SIDT2: variants seen among roughly 807,000 people sequenced by gnomAD.
SIDT2 encodes the protein SID1 transmembrane family member 2.
In SIDT2, 68 loss-of-function variants were observed where a neutral mutation model predicts 114.4. The observed-to-expected ratio is 0.59, with a 90% CI of 0.49 to 0.73. The LOEUF (loss-of-function observed/expected upper bound fraction) is 0.73. Among genes scored for constraint, SIDT2 ranks in the 30% least tolerant of loss-of-function variants. SIDT2 has a pLI of 0.00. For synonymous variants in SIDT2, 470 were observed against 438.4 expected, an observed-to-expected ratio of 1.07 and a Z score of -0.90; for missense variants, 918 against 1,097.1, an observed-to-expected ratio of 0.84 and a Z score of 2.31.
In SIDT2 at chr11:117,183,788, T is replaced by C; in HGVS notation, c.712T>C (p.Phe238Leu). 1 of 1,613,104 alleles carries C rather than the reference T, an allele frequency of 6.2e-7. No homozygotes were observed. Among genetic ancestry groups the C allele is most frequent in the South Asian group, 1.1e-5 (1 of 91,032 alleles). The change falls in exon 7 of 26, where the codon TTC (phenylalanine) becomes CTC (leucine). Residue 238 changes from phenylalanine to leucine, a missense_variant. Physicochemically the swap from Phe to Leu is conservative, Grantham distance 22. Around this residue, in one of 4 missense-constraint regions of SIDT2, gnomAD observed 553 missense variants for 600.1 expected, o/e 0.92. Coordinates refer to ENST00000324225, the MANE Select transcript of SIDT2 (RefSeq NM_001040455.2). Reference sequence around the variant, plus strand: ...CATCATCATCCTGCAGCGCAAAGACTTCCCCAGCAACAGCTTTTATGTGGT... The same window carrying C: ...CATCATCATCCTGCAGCGCAAAGACCTCCCCAGCAACAGCTTTTATGTGGT... The part of the protein sequence containing the change: ...KAAITVQRKD[F>L]PSNSFYVVVV...
At position 117,188,993 on chromosome 11, in the gene SIDT2, C is replaced by T. The variant is rs967777239; in HGVS notation, c.1278+167C>T. On this transcript the variant is annotated intron_variant, in intron 13 of 25. Coordinates refer to ENST00000324225, the MANE Select transcript of SIDT2 (RefSeq NM_001040455.2). The surrounding 1 kb of genome is among the most constrained non-coding windows in gnomAD (Gnocchi z 4.0). The stretch of plus-strand genomic sequence containing the variant: ...AACTAACCTGACCTCCAACCCCTTC[C>T]GGCCTGATTGGCCAAACCCTCTTGG... The T allele has an allele frequency of 2.0e-5, 19 of 960,794 alleles. No homozygotes were observed. Among genetic ancestry groups the T allele is most frequent in the African/African-American group, 4.8e-5 (3 of 62,536 alleles). The allele number at this position is 960,794 out of a possible 1,614,324, so 59.5% of individuals were successfully genotyped here.
Position 117,192,912 on chromosome 11 carries a change from G to T in SIDT2, c.2105+46G>T. 6.2e-7 allele frequency: 1 copy of T among 1,612,476 alleles called. No homozygotes were observed. The highest frequency in any genetic ancestry group is 1.1e-5 in the South Asian group (1 of 91,044). The stretch of plus-strand genomic sequence containing the variant: ...TGGCCTGGTTGGGTGGACAGCTGGG[G>T]ACTCGGTCAGCCACTGGCTGCCTTG... On this transcript the variant is annotated intron_variant, in intron 22 of 25. Coordinates refer to ENST00000324225, the MANE Select transcript of SIDT2 (RefSeq NM_001040455.2). This position sits in a 1 kb window ranked among gnomAD's most constrained non-coding sequence, Gnocchi z 5.9.
chr11:117,194,024 T>A, intron 24 of SIDT2, 61 bp downstream of exon 24: 1 of 1,347,136 alleles, frequency 7.4e-7, no homozygotes, highest in Non-Finnish European at 1.1e-6. Context: ...TTTTTAAACA[T>A]TGGGGCTGAG....
rs926054937 is a variant in SIDT2, at chr11:117,178,816, A to T, written c.-448A>T. The T allele has an allele frequency of 9.4e-5, 16 of 169,612 alleles. No homozygotes were observed. Among genetic ancestry groups the T allele is most frequent in the Admixed American group, 6.4e-4 (11 of 17,292 alleles). The allele number at this position is 169,612 out of a possible 1,614,324, so 10.5% of individuals were successfully genotyped here. ...CACCTCGGAAAACTCGCAGCCCAGC[A>T]CGGCGTCGGGTAGCTACCACCTATC... On this transcript the variant is annotated 5_prime_UTR_variant, in exon 1 of 26. Transcript: ENST00000324225.
In SIDT2 at chr11:117,196,082, T is replaced by C. The variant is rs1236791625; in HGVS notation, c.*16T>C. 1 of 1,614,144 alleles carries C rather than the reference T, an allele frequency of 6.2e-7. No homozygotes were observed. Among genetic ancestry groups the C allele is most frequent in the South Asian group, 1.1e-5 (1 of 91,084 alleles). ...TGTCTTCTAGCAGGAGCTGGGCCCT[T>C]CGCTTCACCTCAAGGGGCCCTGAGC... On this transcript the variant is annotated 3_prime_UTR_variant, in exon 26 of 26. Transcript: ENST00000324225. This position sits in a 1 kb window ranked among gnomAD's most constrained non-coding sequence, Gnocchi z 4.9.
In SIDT2 at chr11:117,192,843, G is replaced by A; in HGVS notation, c.2082G>A (p.Met694Ile). 6.2e-7 allele frequency: 1 copy of A among 1,614,140 alleles called. No homozygotes were observed. The highest frequency in any genetic ancestry group is 8.5e-7 in the Non-Finnish European group (1 of 1,180,024). ...AGGACCGCATGGTGCTGCTGGTCATGGGCAACGTCATCAACTGGTCGCTGT... is the reference window on the plus strand; with the variant it reads ...AGGACCGCATGGTGCTGCTGGTCATAGGCAACGTCATCAACTGGTCGCTGT... ...LYVDRMVLLV[M>I]GNVINWSLAA... The change falls in exon 22 of 26, where the codon ATG becomes ATA. Residue 694 changes from methionine (M) to isoleucine (I), a missense_variant. By Grantham distance (10) the Met-to-Ile change is conservative (BLOSUM62 1). Transcript: ENST00000324225. The surrounding 1 kb of genome is among the most constrained non-coding windows in gnomAD (Gnocchi z 5.9).
rs764739203 is a variant in SIDT2 at position 117,184,079 on chromosome 11, C to A, written c.808C>A (p.Pro270Thr). The A allele has an allele frequency of 1.9e-6, 3 of 1,614,140 alleles. No individual in the cohort carries two copies. The highest frequency in any genetic ancestry group is 2.5e-6 in the Non-Finnish European group (3 of 1,180,024). The change falls in exon 8 of 26, where the codon CCG becomes ACG. Residue 270 changes from proline to threonine, a missense_variant. Transcript: ENST00000324225. ...CTTTGACATTTTACTTCCAGATGAA[C>A]CGGTCGATCAAGGGCACCGCCAGAA... ...LPFYPFAEDEPVDQGHRQKTL... is the reference protein window; with the variant it reads ...LPFYPFAEDETVDQGHRQKTL...
chr11:117,182,797 C>A lies in SIDT2; in HGVS notation c.693C>A (p.Ile231=), dbSNP rs754191714. ...MYQTMTKKAA[I]TVQRKDFPSN... is the part of the protein sequence containing the mutation. ...AGACGATGACCAAGAAGGCGGCCATCACCGTACAGGTAGGAAATGCATGTG... is the reference window on the plus strand; with the variant it reads ...AGACGATGACCAAGAAGGCGGCCATAACCGTACAGGTAGGAAATGCATGTG... Residue 231 remains isoleucine (I), a synonymous_variant, in exon 6 of 26, where the codon ATC becomes ATA. Transcript: ENST00000324225. 6.2e-7 allele frequency: 1 copy of A among 1,613,812 alleles called. No individual in the cohort carries two copies. The highest frequency in any genetic ancestry group is 1.7e-5 in the Admixed American group (1 of 59,986).
intron 18 of SIDT2, 134 bp from the exon 19 acceptor site, chr11:117,191,744 C>T (rs1276461796): frequency 8.6e-5 from 110 of 1,279,256 alleles, no homozygotes; most frequent in Non-Finnish European, 1.1e-4. Context: ...CAAGTGCCAC[C>T]CTGCCACCAG....
chr11:117,188,631 C>A lies in SIDT2; in HGVS notation c.1160-77C>A. 1 of 1,134,090 alleles carries A rather than the reference C, an allele frequency of 8.8e-7. No homozygotes were observed. Among genetic ancestry groups the A allele is most frequent in the South Asian group, 1.2e-5 (1 of 80,714 alleles). The allele number at this position is 1,134,090 out of a possible 1,614,324, so 70.3% of individuals were successfully genotyped here. A position where few individuals can be genotyped will look rare whatever the true frequency, so the allele number is the denominator to read the frequency against. Reference sequence around the variant, plus strand: ...CTTCCCTACTGCCTAATAATTGTTACAATTGCCTCAGATGGGCGAGGGCCA... The same window carrying A: ...CTTCCCTACTGCCTAATAATTGTTAAAATTGCCTCAGATGGGCGAGGGCCA... On this transcript the variant is annotated intron_variant, in intron 12 of 25. Coordinates refer to ENST00000324225, the MANE Select transcript of SIDT2 (RefSeq NM_001040455.2). This position sits in a 1 kb window ranked among gnomAD's most constrained non-coding sequence, Gnocchi z 4.0.
rs1214534108 is a variant in SIDT2 at position 117,188,909 on chromosome 11, C to T, written c.1278+83C>T. The stretch of plus-strand genomic sequence containing the variant: ...TCCCGCCCCAGCATGTTCCCACTGA[C>T]GTGGCATTTAGGGAAGCAGAAGGAA... On this transcript the variant is annotated intron_variant, in intron 13 of 25. Transcript: ENST00000324225. This position sits in a 1 kb window ranked among gnomAD's most constrained non-coding sequence, Gnocchi z 4.0. The T allele has an allele frequency of 1.7e-5, 23 of 1,381,612 alleles. No individual in the cohort carries two copies. The highest frequency in any genetic ancestry group is 3.4e-5 in the Admixed American group (2 of 59,548). The allele number at this position is 1,381,612 out of a possible 1,614,324, so 85.6% of individuals were successfully genotyped here.
At position 117,190,348 on chromosome 11, in the gene SIDT2, G is replaced by A. The variant is rs2030653543; in HGVS notation, c.1617+59G>A. ...AGCTCCAGCACAGACCTCAAGCCTT[G>A]GCTCCAGGACACCCTTTTGGGCAGG... On this transcript the variant is annotated intron_variant, in intron 17 of 25. Transcript: ENST00000324225. The surrounding 1 kb of genome is among the most constrained non-coding windows in gnomAD (Gnocchi z 4.1). 6.6e-7 allele frequency: 1 copy of A among 1,517,654 alleles called. No homozygotes were observed. Among genetic ancestry groups the A allele is most frequent in the Non-Finnish European group, 8.8e-7 (1 of 1,134,716 alleles). The allele number at this position is 1,517,654 out of a possible 1,614,324, so 94.0% of individuals were successfully genotyped here.
At chr11:117,179,581 A>G in intron 1 of SIDT2, 135 bp downstream of exon 1, 1 of 842,110 alleles carries the variant, frequency 1.2e-6, no homozygotes, top group South Asian at 1.8e-5. Context: ...CCAGAACCAC[A>G]CTGGAGCCTC....
chr11:117,181,340 G>A, intron 1 of SIDT2, 76 bp from the exon 2 acceptor site: 1 of 1,517,078 alleles, frequency 6.6e-7, no homozygotes, highest in Admixed American at 1.9e-5. Flanking sequence ...CATGAAGGAG[G>A]GCAGGGCTCA....
chr11:117,194,037 T>C (rs2030800118), intron 24 of SIDT2, 74 bp downstream of exon 24: 1 of 1,197,634 alleles, frequency 8.3e-7, no homozygotes, highest in Admixed American at 1.9e-5. Flanking sequence ...GGGCTGAGCC[T>C]GGGATTACCT....
rs191565248 is a variant in SIDT2 at position 117,188,648 on chromosome 11, C to T, written c.1160-60C>T. ...AATTGTTACAATTGCCTCAGATGGG[C>T]GAGGGCCACTGTGGGTTTTGTGTCC... On this transcript the variant is annotated intron_variant, in intron 12 of 25. Coordinates refer to ENST00000324225, the MANE Select transcript of SIDT2 (RefSeq NM_001040455.2). The surrounding 1 kb of genome is among the most constrained non-coding windows in gnomAD (Gnocchi z 4.0). 255 of 1,311,110 alleles carry T rather than the reference C, an allele frequency of 1.9e-4. No individual in the cohort carries two copies. Among genetic ancestry groups the T allele is most frequent in the Middle Eastern group, 1.1e-3 (6 of 5,470 alleles). 81.2% of individuals were successfully genotyped at this position (1,311,110 alleles called of 1,614,324 possible). A position where few individuals can be genotyped will look rare whatever the true frequency, so the allele number is the denominator to read the frequency against.
chr11:117,179,411 A>G lies in SIDT2; in HGVS notation c.148A>G (p.Ile50Val), dbSNP rs760904072. ...CGAGGTCAACAGCGAGCTGGTCAAC[A>G]TCTACACCTTCAACCATACTGTGAC... ...VDEVNSELVNIYTFNHTVTRN... is the reference protein window; with the variant it reads ...VDEVNSELVNVYTFNHTVTRN... Residue 50 changes from isoleucine (I) to valine (V), a missense_variant, in exon 1 of 26, where the codon ATC becomes GTC. By Grantham distance (29) the Ile-to-Val change is conservative (BLOSUM62 3). Transcript: ENST00000324225. 3.1e-6 allele frequency: 5 copies of G among 1,614,012 alleles called. No individual in the cohort carries two copies. The highest frequency in any genetic ancestry group is 1.3e-5 in the African/African-American group (1 of 75,016).
At position 117,192,322 on chromosome 11, in the gene SIDT2, C is replaced by T. The variant is rs368453638; in HGVS notation, c.1941C>T (p.Leu647=). The change falls in exon 20 of 26, where the codon CTC becomes CTT. Residue 647 remains leucine, a synonymous_variant. Coordinates refer to ENST00000324225, the MANE Select transcript of SIDT2 (RefSeq NM_001040455.2). The surrounding 1 kb of genome is among the most constrained non-coding windows in gnomAD (Gnocchi z 5.9). ...TCATTCACATCATCGCCACCCTGCT[C>T]CTCAGCACGCAGCTCTATTACATGG... ...FSIIHIIATL[L]LSTQLYYMGR... is the part of the protein sequence containing the mutation. The T allele has an allele frequency of 7.4e-6, 12 of 1,611,644 alleles. No individual in the cohort carries two copies. In the African/African-American group the frequency reaches 1.5e-4, roughly 20 times the overall value.
chr11:117,196,070 G>A lies in SIDT2; in HGVS notation c.*4G>A. 1 of 1,614,220 alleles carries A rather than the reference G, an allele frequency of 6.2e-7. No homozygotes were observed. The highest frequency in any genetic ancestry group is 8.5e-7 in the Non-Finnish European group (1 of 1,180,050). On this transcript the variant is annotated 3_prime_UTR_variant, in exon 26 of 26. Transcript: ENST00000324225. This position sits in a 1 kb window ranked among gnomAD's most constrained non-coding sequence, Gnocchi z 4.9. ...GGACAAGATCTATGTCTTCTAGCAGGAGCTGGGCCCTTCGCTTCACCTCAA... is the reference window on the plus strand; with the variant it reads ...GGACAAGATCTATGTCTTCTAGCAGAAGCTGGGCCCTTCGCTTCACCTCAA...
Sources: allele counts gnomAD v4.1 joint callset, GRCh38; gene constraint gnomAD v4.1.1; regional missense constraint gnomAD v4.1.1; non-coding constraint Gnocchi (gnomAD v3.1); transcripts MANE v1.5; gene names NCBI Gene and HGNC (gene_info 2026-07-23, HGNC 2026-07-21).